TNIK: variants seen among roughly 807,000 people sequenced by gnomAD.
The protein encoded by TNIK is TRAF2 and NCK-interacting protein kinase.
A neutral mutation model predicts 191.3 loss-of-function variants in TNIK; 49 were observed. That is an observed-to-expected ratio of 0.26 (90% CI 0.20 to 0.32). The LOEUF (loss-of-function observed/expected upper bound fraction) is 0.32, where lower values mean the gene tolerates loss of function less well. Among genes scored for constraint, TNIK ranks in the 10% least tolerant of loss-of-function variants. The pLI, the probability that TNIK is intolerant of heterozygous loss-of-function variation, is 1.00. For synonymous variants in TNIK, 594 were observed against 600.9 expected (o/e 0.99, Z 0.17); for missense variants, 1,155 against 1,702.3 (o/e 0.68, Z 5.66).
chr3:171,140,297 T>A, intron 13 of TNIK, 102 bp downstream of exon 13: 1 of 967,432 alleles, frequency 1.0e-6, no homozygotes, highest in Non-Finnish European at 1.5e-6. Flanking sequence ...TAAAAACCCA[T>A]GTAAACTGAG....
At chr3:171,218,995 C>A (rs1741856964) in intron 3 of TNIK, among the ~76,000 whole-genome samples, 1 of 106,440 alleles carries the variant, frequency 9.4e-6, no homozygotes, top group Non-Finnish European at 1.7e-5. Flanking sequence ...TAAATTATTA[C>A]ATATTAATAT....
intron 4 of TNIK, among the ~76,000 whole-genome samples, chr3:171,195,123 C>T (rs1276381014): frequency 2.0e-5 from 3 of 152,090 alleles, no homozygotes; most frequent in Non-Finnish European, 2.9e-5. Flanking sequence ...TTAACTTCAG[C>T]GAATGTTCCC....
intron 2 of TNIK, among the ~76,000 whole-genome samples, chr3:171,285,632 G>C (rs1750928044): frequency 1.3e-5 from 2 of 152,192 alleles, no homozygotes; most frequent in Non-Finnish European, 2.9e-5. Context: ...TTATTATTAA[G>C]AGGCACCCAT....
chr3:171,352,385 C>T (rs1713353737), intron 2 of TNIK, among the ~76,000 whole-genome samples: 1 of 152,198 alleles, frequency 6.6e-6, no homozygotes, highest in African/African-American at 2.4e-5. Flanking sequence ...TTATTCCATA[C>T]ATAACTTTAA....
chr3:171,257,127 A>G (rs896113693), intron 2 of TNIK, among the ~76,000 whole-genome samples: 7 of 152,196 alleles, frequency 4.6e-5, no homozygotes, highest in Admixed American at 1.3e-4. Context: ...GGCCCATTTC[A>G]TCTCAAAAGA....
intron 3 of TNIK, among the ~76,000 whole-genome samples, chr3:171,215,747 T>C (rs1433304203): frequency 6.6e-6 from 1 of 152,262 alleles, no homozygotes; most frequent in Non-Finnish European, 1.5e-5. Flanking sequence ...TTAAGTTGCA[T>C]ATTTATTACA....
chr3:171,100,649 G>C (rs1723348421), intron 22 of TNIK, among the ~76,000 whole-genome samples: 2 of 150,968 alleles, frequency 1.3e-5, no homozygotes, highest in African/African-American at 4.9e-5. Flanking sequence ...GTGCTTACTA[G>C]GTGGAGGAAC....
chr3:171,143,635 T>C (rs1269580849), intron 12 of TNIK, among the ~76,000 whole-genome samples: 1 of 152,226 alleles, frequency 6.6e-6, no homozygotes, highest in Non-Finnish European at 1.5e-5. Flanking sequence ...TATTTGAGTA[T>C]ATCTTACCAA....
At chr3:171,236,287 C>T (rs61792436) in intron 2 of TNIK, among the ~76,000 whole-genome samples, 5,136 of 152,298 alleles carry the variant, frequency 0.034, 101 homozygotes, top group South Asian at 0.084. Flanking sequence ...GAAATGTCTA[C>T]TTCCGCGTGT....
intron 1 of TNIK, among the ~76,000 whole-genome samples, chr3:171,379,466 C>T (rs575700259): frequency 8.5e-4 from 129 of 152,320 alleles, no homozygotes; most frequent in Non-Finnish European, 1.6e-3. Context: ...CCTTCTCATG[C>T]TTCTTGACCT....
intron 1 of TNIK, among the ~76,000 whole-genome samples, chr3:171,384,594 A>C (rs961989586): frequency 6.6e-6 from 1 of 152,222 alleles, no homozygotes; most frequent in Non-Finnish European, 1.5e-5. Flanking sequence ...CGGGGAGTCT[A>C]ATACATAAAG....
intron 2 of TNIK, among the ~76,000 whole-genome samples, chr3:171,320,516 T>G (rs1316838231): frequency 6.6e-6 from 1 of 152,188 alleles, no homozygotes; most frequent in Non-Finnish European, 1.5e-5. Context: ...TACTTCTGAT[T>G]TCAGTACTAT....
At chr3:171,379,255 T>G (rs957675158) in intron 1 of TNIK, among the ~76,000 whole-genome samples, 8 of 152,222 alleles carry the variant, frequency 5.3e-5, no homozygotes, top group Non-Finnish European at 1.0e-4. Context: ...TCCTTACAGA[T>G]GAAAACAAAT....
At position 171,223,106 on chromosome 3, in the gene TNIK, T is replaced by C. The variant is rs183231039; in HGVS notation, c.180+5059A>G. Among the ~76,000 whole-genome samples, 3 of 152,324 alleles carry C rather than the reference T, an allele frequency of 2.0e-5. No individual in the cohort carries two copies. In the East Asian group the frequency reaches 5.8e-4, roughly 29 times the overall value. ...CCCTCCTAATGTGTCTAGATTCATC[T>C]TGTATCAACGCCTTCTTGGCACTTT... On this transcript the variant is annotated intron_variant, in intron 3 of 32. Coordinates refer to ENST00000436636, the MANE Select transcript of TNIK (RefSeq NM_015028.4).
intron 1 of TNIK, among the ~76,000 whole-genome samples, chr3:171,416,141 C>G (rs1723056067): frequency 6.6e-6 from 1 of 151,946 alleles, no homozygotes; most frequent in Admixed American, 6.6e-5. Flanking sequence ...CAAAAACTGA[C>G]AGATAAATGT....
intron 7 of TNIK, among the ~76,000 whole-genome samples, chr3:171,183,643 C>T (rs1184788310): frequency 6.6e-6 from 1 of 152,106 alleles, no homozygotes; most frequent in Non-Finnish European, 1.5e-5. Flanking sequence ...ATGGCCCCCA[C>T]CGGGTCCAGT....
intron 2 of TNIK, among the ~76,000 whole-genome samples, chr3:171,230,150 C>T (rs1049331734): frequency 6.6e-6 from 1 of 152,210 alleles, no homozygotes; most frequent in South Asian, 2.1e-4. Context: ...ACCAGGAACA[C>T]TAACTTTCTT....
At chr3:171,434,127 G>T (rs1016193776) in intron 1 of TNIK, among the ~76,000 whole-genome samples, 7 of 151,286 alleles carry the variant, frequency 4.6e-5, no homozygotes, top group African/African-American at 1.7e-4. Context: ...GTAGAGGCAG[G>T]GTTTTGCCAT....
intron 1 of TNIK, among the ~76,000 whole-genome samples, chr3:171,382,793 C>T (rs554907573): frequency 6.6e-5 from 10 of 152,076 alleles, no homozygotes; most frequent in South Asian, 6.2e-4. Context: ...GTGGCATGGT[C>T]GAGAAATAAA....
Sources: allele counts gnomAD v4.1 joint callset (sites outside exome capture counted in the v4.1 genomes callset), GRCh38; gene constraint gnomAD v4.1.1; transcripts MANE v1.5; gene names NCBI Gene and HGNC (gene_info 2026-07-23, HGNC 2026-07-21).